The following SLC25A24 variants were observed in gnomAD, a reference collection of about 807,000 sequenced individuals.
The protein encoded by SLC25A24 is mitochondrial adenyl nucleotide antiporter SLC25A24.
In SLC25A24, 49 loss-of-function variants were observed where a neutral mutation model predicts 60.7. The observed-to-expected ratio is 0.81, with a 90% confidence interval of 0.64 to 1.02. The LOEUF (loss-of-function observed/expected upper bound fraction) is 1.02. Ranked by LOEUF, SLC25A24 falls within the 50% of genes least tolerant of loss-of-function variation. The probability of loss-of-function intolerance (pLI) is 0.00; values close to 1 mark genes in which losing one functional copy is unlikely to be tolerated. For missense variants in SLC25A24, 564 were observed against 586.3 expected (o/e 0.96, Z 0.39); for synonymous variants, 202 against 200.6 (o/e 1.01, Z -0.06).
intron 3 of SLC25A24, among the ~76,000 whole-genome samples, chr1:108,168,760 T>C (rs1180157767): frequency 6.6e-6 from 1 of 152,250 alleles, no homozygotes; most frequent in East Asian, 1.9e-4. Context: ...AGTTATAAGC[T>C]GGCAAATACC....
At chr1:108,188,010 T>A (rs935678791) in intron 1 of SLC25A24, among the ~76,000 whole-genome samples, 10 of 147,334 alleles carry the variant, frequency 6.8e-5, no homozygotes, top group African/African-American at 2.5e-4. Context: ...AGTAAGGTTA[T>A]AGTACTATAT....
intron 3 of SLC25A24, among the ~76,000 whole-genome samples, chr1:108,165,368 GGTCT>G (rs1459278211): frequency 1.3e-5 from 2 of 152,100 alleles, no homozygotes; most frequent in Admixed American, 1.3e-4. Context: ...CTGTCTCATT[GGTCT>G]GTCTAATGTT....
intron 9 of SLC25A24, among the ~76,000 whole-genome samples, chr1:108,137,515 G>T (rs1679323759): frequency 6.6e-6 from 1 of 152,170 alleles, no homozygotes; most frequent in Non-Finnish European, 1.5e-5. Flanking sequence ...GAACAAAGTG[G>T]GGCTAGATTA....
intron 1 of SLC25A24, among the ~76,000 whole-genome samples, chr1:108,187,184 G>A (rs1571308729): frequency 6.6e-6 from 1 of 152,088 alleles, no homozygotes; most frequent in East Asian, 1.9e-4. Flanking sequence ...TGAAACTTGT[G>A]AGCTGCAACT....
intron 6 of SLC25A24, among the ~76,000 whole-genome samples, chr1:108,149,712 T>C (rs1376293298): frequency 2.0e-5 from 3 of 151,950 alleles, no homozygotes; most frequent in Non-Finnish European, 4.4e-5. Flanking sequence ...AAGGGGAAAG[T>C]CAACAGAGAG....
intron 1 of SLC25A24, among the ~76,000 whole-genome samples, chr1:108,190,159 G>A (rs12402496): frequency 0.27 from 41,505 of 152,030 alleles, 6,393 homozygotes; most frequent in South Asian, 0.48. Flanking sequence ...CCAGGCAGAG[G>A]AGTGGGAAAG....
chr1:108,139,334 G>A (rs1035825590), intron 8 of SLC25A24, 126 bp from the exon 9 acceptor site: 2 of 976,128 alleles, frequency 2.0e-6, no homozygotes, highest in Admixed American at 5.9e-5. Context: ...ATTTGCAGAA[G>A]CAGCAGGCAC....
chr1:108,141,021 A>C (rs1286157485), intron 8 of SLC25A24, among the ~76,000 whole-genome samples: 1 of 152,196 alleles, frequency 6.6e-6, no homozygotes. Flanking sequence ...ACACATACAG[A>C]ATCAACTATA....
intron 4 of SLC25A24, among the ~76,000 whole-genome samples, chr1:108,159,444 C>G (rs552300775): frequency 6.8e-6 from 1 of 147,042 alleles, no homozygotes; most frequent in East Asian, 2.0e-4. Flanking sequence ...TCAGAATGGA[C>G]ATTTATGCAG....
At chr1:108,139,863 C>T (rs1407574361) in intron 8 of SLC25A24, among the ~76,000 whole-genome samples, 1 of 152,060 alleles carries the variant, frequency 6.6e-6, no homozygotes, top group African/African-American at 2.4e-5. Flanking sequence ...CCGCCCGCCT[C>T]GGCCTCCCAA....
intron 9 of SLC25A24, among the ~76,000 whole-genome samples, chr1:108,137,297 A>G (rs1679317764): frequency 6.6e-6 from 1 of 152,160 alleles, no homozygotes; most frequent in African/African-American, 2.4e-5. Context: ...TGAAGAGAGA[A>G]CAGTTAAATC....
At chr1:108,180,617 T>TCTCTCTCTCC (rs1647884660) in intron 3 of SLC25A24, among the ~76,000 whole-genome samples, 1 of 7,492 alleles carries the variant, frequency 1.3e-4, no homozygotes, top group Non-Finnish European at 3.8e-4. Flanking sequence ...AAGAGAAAGA[T>TCTCTCTCTCC]CTCTCTCTCT....
chr1:108,187,922 T>TTATATA (rs1470627510), intron 1 of SLC25A24, among the ~76,000 whole-genome samples: 14 of 51,042 alleles, frequency 2.7e-4, no homozygotes, highest in Non-Finnish European at 3.5e-4. Context: ...GGATAAGACA[T>TTATATA]TATAGATATA....
At chr1:108,154,946 C>T (rs1679853779) in intron 6 of SLC25A24, 37 bp downstream of exon 6, 14 of 1,516,676 alleles carry the variant, frequency 9.2e-6, no homozygotes, top group Non-Finnish European at 1.3e-5. Context: ...TTACTAACTC[C>T]TCTTTGTTAA....
chr1:108,167,670 C>T (rs1033064885), intron 3 of SLC25A24, among the ~76,000 whole-genome samples: 1 of 152,216 alleles, frequency 6.6e-6, no homozygotes, highest in Non-Finnish European at 1.5e-5. Flanking sequence ...TGCGCACACC[C>T]ACTGACCTGC....
intron 3 of SLC25A24, among the ~76,000 whole-genome samples, chr1:108,164,771 G>C (rs1210362798): frequency 1.4e-5 from 1 of 73,444 alleles, no homozygotes; most frequent in Non-Finnish European, 2.8e-5. Flanking sequence ...ATTTTTTGAA[G>C]GGTTTTTTGT....
chr1:108,155,818 TCACTTAAAAATACTGTA>T (rs1359432653), intron 5 of SLC25A24, among the ~76,000 whole-genome samples: 5 of 152,150 alleles, frequency 3.3e-5, no homozygotes, highest in Admixed American at 3.3e-4. Flanking sequence ...GATGTGGTAG[TCACTTAAAAATACTGTA>T]CCTTATGACC....
In SLC25A24 at chr1:108,136,674, A is replaced by G; in HGVS notation, c.1413T>C (p.Thr471=). The change falls in exon 10 of 10, where the codon ACT becomes ACC. Residue 471 remains threonine, a synonymous_variant. Transcript: ENST00000565488. The part of the protein sequence containing the change: ...SYVVYENMKQ[T]LGVTQK ...AACATCATTTCTGGGTTACTCCTAA[A>G]GTTTGCTTCATATTTTCATAAACCA... 3 of 1,613,710 alleles carry G rather than the reference A, an allele frequency of 1.9e-6. No individual in the cohort carries two copies. Among genetic ancestry groups the G allele is most frequent in the Non-Finnish European group, 2.5e-6 (3 of 1,179,812 alleles).
chr1:108,154,075 T>TC (rs1679822385), intron 6 of SLC25A24, among the ~76,000 whole-genome samples: 1 of 148,514 alleles, frequency 6.7e-6, no homozygotes, highest in African/African-American at 2.5e-5. Context: ...TTTCTTTAAT[T>TC]TTTTTTTTTT....
Sources: allele counts gnomAD v4.1 joint callset (sites outside exome capture counted in the v4.1 genomes callset), GRCh38; gene constraint gnomAD v4.1.1; transcripts MANE v1.5; gene names NCBI Gene and HGNC (gene_info 2026-07-23, HGNC 2026-07-21).